CNBD1: variants seen among roughly 807,000 people sequenced by gnomAD.
CNBD1 encodes cyclic nucleotide-binding domain-containing protein 1.
CNBD1 carries 71 observed loss-of-function variants against 54.4 expected under a neutral mutation model. The observed-to-expected ratio is 1.30, with a 90% CI of 1.08 to 1.59. The LOEUF (loss-of-function observed/expected upper bound fraction) is 1.59, where lower values mean the gene tolerates loss of function less well. Among genes scored for constraint, CNBD1 ranks in the 40% most tolerant of loss-of-function variants. The pLI is 0.00. For missense variants in CNBD1, 659 were observed against 518.0 expected (o/e 1.27, Z -2.64); for synonymous variants, 182 against 170.7 (o/e 1.07, Z -0.51).
chr8:87,102,794 T>G (rs1811457506), intron 4 of CNBD1, among the ~76,000 whole-genome samples: 2 of 152,084 alleles, frequency 1.3e-5, no homozygotes, highest in Admixed American at 1.3e-4. Context: ...TTTTGTATTT[T>G]TAGTAGAGAC....
At chr8:86,932,548 A>G (rs1370072133) in intron 3 of CNBD1, among the ~76,000 whole-genome samples, 1 of 152,178 alleles carries the variant, frequency 6.6e-6, no homozygotes, top group Admixed American at 6.5e-5. Flanking sequence ...TCCTTCAATG[A>G]AAGGAAAGCT....
chr8:87,329,714 T>A (rs1026103845), intron 8 of CNBD1, among the ~76,000 whole-genome samples: 2 of 152,046 alleles, frequency 1.3e-5, no homozygotes, highest in South Asian at 4.1e-4. Flanking sequence ...GTTGCTAGTA[T>A]ATAGGGAAGA....
At chr8:87,047,600 C>G (rs960593576) in intron 4 of CNBD1, among the ~76,000 whole-genome samples, 6 of 152,332 alleles carry the variant, frequency 3.9e-5, no homozygotes, top group African/African-American at 1.2e-4. Flanking sequence ...CAAAATATTA[C>G]AGAAGTGAGA....
At chr8:87,229,134 C>A (rs1814600550) in intron 5 of CNBD1, among the ~76,000 whole-genome samples, 1 of 152,194 alleles carries the variant, frequency 6.6e-6, no homozygotes, top group South Asian at 2.1e-4. Flanking sequence ...CACCCACTGA[C>A]CTGCGCCCGC....
chr8:87,178,724 G>A (rs951319053), intron 4 of CNBD1, among the ~76,000 whole-genome samples: 16 of 152,184 alleles, frequency 1.1e-4, no homozygotes, highest in African/African-American at 3.6e-4. Flanking sequence ...GCTTGTAATA[G>A]TAGCAGGATG....
chr8:86,892,162 T>A (rs2131794197), intron 2 of CNBD1, among the ~76,000 whole-genome samples: 1 of 152,060 alleles, frequency 6.6e-6, no homozygotes, highest in East Asian at 1.9e-4. Flanking sequence ...ATTTTCAACT[T>A]TTCACCTTTG....
At chr8:86,980,078 C>T (rs1808447603) in intron 4 of CNBD1, among the ~76,000 whole-genome samples, 1 of 152,128 alleles carries the variant, frequency 6.6e-6, no homozygotes, top group Admixed American at 6.6e-5. Context: ...TCTGTTATGA[C>T]TACTTTCTTT....
At chr8:87,084,642 C>T (rs1471090221) in intron 4 of CNBD1, among the ~76,000 whole-genome samples, 1 of 151,064 alleles carries the variant, frequency 6.6e-6, no homozygotes, top group Non-Finnish European at 1.5e-5. Context: ...TTTCTTTAGT[C>T]TTCGTATGAT....
In CNBD1 at chr8:86,959,432, C is replaced by A. The variant is rs542631274; in HGVS notation, c.431+19678C>A. Among the ~76,000 whole-genome samples, 5 of 152,306 alleles carry A rather than the reference C, an allele frequency of 3.3e-5. No homozygotes were observed. The South Asian group carries it at 6.2e-4, about 19-fold the overall frequency. On this transcript the variant is annotated intron_variant, in intron 4 of 10. Coordinates refer to ENST00000518476, the MANE Select transcript of CNBD1 (RefSeq NM_173538.3). ...TTGAGGAAGTTCTCCTCAATAATAT[C>A]CTGAAGAGTGTTTTCCAGCTTGGTT... is the stretch of plus-strand genomic sequence containing the variant.
At chr8:87,279,872 C>A (rs1332964121) in intron 6 of CNBD1, among the ~76,000 whole-genome samples, 2 of 151,404 alleles carry the variant, frequency 1.3e-5, no homozygotes, top group Non-Finnish European at 3.0e-5. Context: ...GGAAGCCATG[C>A]TTAGCCAACT....
intron 2 of CNBD1, among the ~76,000 whole-genome samples, chr8:87,424,382 G>A (rs901442150): frequency 1.4e-4 from 22 of 152,108 alleles, no homozygotes; most frequent in African/African-American, 4.8e-4. Flanking sequence ...TGTCAATTTT[G>A]GATCTTTCCT....
At chr8:87,271,742 A>G (rs1264041062) in intron 6 of CNBD1, among the ~76,000 whole-genome samples, 2 of 151,608 alleles carry the variant, frequency 1.3e-5, no homozygotes, top group Non-Finnish European at 2.9e-5. Context: ...TGCTCCCGCA[A>G]TTCTACTGTT....
intron 1 of CNBD1, among the ~76,000 whole-genome samples, chr8:86,868,766 G>A (rs534960783): frequency 1.3e-4 from 20 of 152,304 alleles, no homozygotes; most frequent in African/African-American, 3.4e-4. Flanking sequence ...AACGGTCCCA[G>A]TGATATCCAT....
At position 87,036,536 on chromosome 8, in the gene CNBD1, G is replaced by A. The variant is rs1809952392; in HGVS notation, c.431+96782G>A. On this transcript the variant is annotated intron_variant, in intron 4 of 10. Coordinates refer to ENST00000518476, the MANE Select transcript of CNBD1 (RefSeq NM_173538.3). ...TTGAACCCAGGAGGCGGAGCTTGCA[G>A]TGAGCAGAGATTGTGCCACTGCACT... Among the ~76,000 whole-genome samples, 3 of 143,274 alleles carry A rather than the reference G, an allele frequency of 2.1e-5. No homozygotes were observed. In the South Asian group the frequency reaches 6.9e-4, roughly 33 times the overall value. 94.0% of individuals were successfully genotyped at this position (143,274 alleles called of 152,430 possible).
chr8:87,336,589 G>C (rs924076167), intron 8 of CNBD1, among the ~76,000 whole-genome samples: 1 of 152,072 alleles, frequency 6.6e-6, no homozygotes, highest in Middle Eastern at 3.2e-3. Flanking sequence ...CCAGTTAGCA[G>C]CTCCTCTAAC....
intron 4 of CNBD1, among the ~76,000 whole-genome samples, chr8:87,137,842 A>T (rs1480336915): frequency 2.0e-5 from 3 of 152,184 alleles, no homozygotes; most frequent in Non-Finnish European, 4.4e-5. Context: ...ATGAAATAAT[A>T]AGAGGGAAAA....
intron 4 of CNBD1, among the ~76,000 whole-genome samples, chr8:86,949,677 A>T (rs1005813664): frequency 1.3e-5 from 2 of 151,910 alleles, no homozygotes; most frequent in Non-Finnish European, 2.9e-5. Context: ...AAATAATTTG[A>T]CTTTTTCTTT....
chr8:87,021,332 C>T (rs1201395667), intron 4 of CNBD1, among the ~76,000 whole-genome samples: 1 of 152,072 alleles, frequency 6.6e-6, no homozygotes, highest in African/African-American at 2.4e-5. Flanking sequence ...TAAATTTTCT[C>T]ATTGTCTGGG....
intron 10 of CNBD1, among the ~76,000 whole-genome samples, chr8:87,366,550 G>T (rs891754270): frequency 6.6e-6 from 1 of 152,016 alleles, no homozygotes; most frequent in African/African-American, 2.4e-5. Context: ...CAGATAACCT[G>T]CCTATTTTAA....
Sources: allele counts gnomAD v4.1 joint callset (sites outside exome capture counted in the v4.1 genomes callset), GRCh38; gene constraint gnomAD v4.1.1; transcripts MANE v1.5; gene names NCBI Gene and HGNC (gene_info 2026-07-23, HGNC 2026-07-21).